ASAP2: variants seen among roughly 807,000 people sequenced by gnomAD.
The protein encoded by ASAP2 is ArfGAP with SH3 domain, ankyrin repeat and PH domain 2.
In ASAP2, 45 loss-of-function variants were observed where a neutral mutation model predicts 131.4. That is an observed-to-expected ratio of 0.34 (90% CI 0.27 to 0.44). The LOEUF (loss-of-function observed/expected upper bound fraction) is 0.44, where lower values mean the gene tolerates loss of function less well. Ranked by LOEUF, ASAP2 falls within the 20% of genes least tolerant of loss-of-function variation. The probability of loss-of-function intolerance (pLI) is 1.00; values close to 1 mark genes in which losing one functional copy is unlikely to be tolerated. For missense variants in ASAP2, 1,011 were observed against 1,297.0 expected (o/e 0.78, Z 3.39); for synonymous variants, 510 against 503.0 (o/e 1.01, Z -0.19).
At chr2:9,287,462 A>G (rs12472609) in intron 2 of ASAP2, among the ~76,000 whole-genome samples, 20,522 of 152,196 alleles carry the variant, frequency 0.13, 1,795 homozygotes, top group African/African-American at 0.25. Context: ...TGTAGGACGG[A>G]TATCTGAAGG....
chr2:9,332,033 G>T (rs1670876142), intron 7 of ASAP2, among the ~76,000 whole-genome samples: 3 of 152,072 alleles, frequency 2.0e-5, no homozygotes, highest in Admixed American at 2.0e-4. Flanking sequence ...GGTGTGTGGG[G>T]CCCAGAGAAG....
intron 1 of ASAP2, among the ~76,000 whole-genome samples, chr2:9,210,766 GGATGGTC>G (rs1459694202): frequency 6.6e-6 from 1 of 152,006 alleles, no homozygotes; most frequent in East Asian, 1.9e-4. Flanking sequence ...GTGTTAGCCA[GGATGGTC>G]GATGGTCTAG....
intron 1 of ASAP2, among the ~76,000 whole-genome samples, chr2:9,258,566 C>T (rs1011140403): frequency 7.2e-5 from 11 of 152,066 alleles, no homozygotes; most frequent in Non-Finnish European, 7.4e-5. Context: ...GTGCCCCCGC[C>T]GCCACACTCA....
intron 1 of ASAP2, among the ~76,000 whole-genome samples, chr2:9,259,393 G>A (rs912776656): frequency 1.3e-4 from 20 of 152,116 alleles, no homozygotes; most frequent in African/African-American, 3.9e-4. Flanking sequence ...CCTTCCTTGC[G>A]TCTGCCCCCG....
At chr2:9,399,397 T>C (rs1676436323) in intron 24 of ASAP2, 1 of 152,906 alleles carries the variant, frequency 6.5e-6, no homozygotes, top group Non-Finnish European at 1.5e-5. Context: ...ATGAAAATGC[T>C]GACTCTCCAG....
intron 5 of ASAP2, among the ~76,000 whole-genome samples, chr2:9,320,829 T>C (rs1670104808): frequency 6.6e-6 from 1 of 152,348 alleles, no homozygotes; most frequent in East Asian, 1.9e-4. Flanking sequence ...AAAAATAACC[T>C]GAAGAATGGA....
At chr2:9,309,387 G>A (rs1457182280) in intron 3 of ASAP2, among the ~76,000 whole-genome samples, 2 of 152,216 alleles carry the variant, frequency 1.3e-5, no homozygotes, top group African/African-American at 4.8e-5. Flanking sequence ...ATGAAAAGGC[G>A]TACATGCGGG....
In ASAP2 at chr2:9,259,564, C is replaced by G. The variant is rs554944232; in HGVS notation, c.127-19753C>G. Among the ~76,000 whole-genome samples, 278 of 77,352 alleles carry G rather than the reference C, an allele frequency of 3.6e-3. 1 individual carries two copies. The highest frequency in any genetic ancestry group is 0.017 in the African/African-American group (258 of 15,150). 50.7% of individuals were successfully genotyped at this position (77,352 alleles called of 152,430 possible). ...GAGGGCACAGTTTTCAGCCCAAAAC[C>G]TTAAGGAACAAAAATGAACAGCACC... is the stretch of plus-strand genomic sequence containing the variant. On this transcript the variant is annotated intron_variant, in intron 1 of 27. Coordinates refer to ENST00000281419, the MANE Select transcript of ASAP2 (RefSeq NM_003887.3).
At chr2:9,391,852 T>C (rs1675755995) in intron 23 of ASAP2, among the ~76,000 whole-genome samples, 1 of 151,966 alleles carries the variant, frequency 6.6e-6, no homozygotes, top group African/African-American at 2.4e-5. Context: ...CCCAGAGTTC[T>C]GGGATTACAG....
chr2:9,272,760 C>T (rs1278472320), intron 1 of ASAP2, among the ~76,000 whole-genome samples: 1 of 152,124 alleles, frequency 6.6e-6, no homozygotes, highest in Non-Finnish European at 1.5e-5. Context: ...TAGTTTTATT[C>T]TTCTGAGCAT....
intron 1 of ASAP2, among the ~76,000 whole-genome samples, chr2:9,266,181 C>T (rs568615844): frequency 9.9e-4 from 143 of 144,926 alleles, no homozygotes; most frequent in African/African-American, 3.6e-3. Context: ...GGATCTCACT[C>T]TGTTGCCCAG....
chr2:9,401,426 T>TG lies in ASAP2; in HGVS notation c.2946+35dup, dbSNP rs1676659532. 4 of 1,609,112 alleles carry TG rather than the reference T, an allele frequency of 2.5e-6. No homozygotes were observed. The East Asian group carries it at 8.9e-5, about 36-fold the overall frequency. On this transcript the variant is annotated intron_variant, in intron 27 of 27. Transcript: ENST00000281419. ...GTCAAGGGTGGGCCTGGGAGGTTCC[T>TG]GGGGGCTGAGCCACGTCCCTGCCCA...
Position 9,403,184 on chromosome 2 carries a change from G to GTAA in ASAP2, c.2947-67_2947-65dup, listed in dbSNP as rs1352917841. On this transcript the variant is annotated intron_variant, in intron 27 of 27. Transcript: ENST00000281419. ...TGCTTTTCTTCACCAAACGCTCTAT[G>GTAA]TAATGCTCTTCAAAGTTTCCACCAA... 4.0e-5 allele frequency: 56 copies of GTAA among 1,390,184 alleles called. No individual in the cohort carries two copies. The East Asian group carries it at 1.3e-3, about 32-fold the overall frequency. The allele number at this position is 1,390,184 out of a possible 1,614,324, so 86.1% of individuals were successfully genotyped here.
At chr2:9,385,157 G>T in intron 20 of ASAP2, 88 bp from the exon 21 acceptor site, 1 of 976,366 alleles carries the variant, frequency 1.0e-6, no homozygotes, top group Non-Finnish European at 1.6e-6. Flanking sequence ...GGACTAGAAG[G>T]CAGGCCTCCT....
chr2:9,242,455 G>A (rs1279732228), intron 1 of ASAP2, among the ~76,000 whole-genome samples: 1 of 152,226 alleles, frequency 6.6e-6, no homozygotes, highest in African/African-American at 2.4e-5. Context: ...GCTACAAACT[G>A]TGATAGACCC....
intron 24 of ASAP2, chr2:9,399,624 C>T (rs977367214): frequency 2.5e-5 from 6 of 239,188 alleles, no homozygotes; most frequent in East Asian, 2.1e-4. Flanking sequence ...CCAGAGTGCT[C>T]GGACCCGTCC....
chr2:9,344,465 T>C, intron 9 of ASAP2, 67 bp from the exon 10 acceptor site: 1 of 1,358,380 alleles, frequency 7.4e-7, no homozygotes, highest in Non-Finnish European at 1.0e-6. Context: ...AAGTTTCCTT[T>C]GTGTACTGCT....
chr2:9,379,050 A>G lies in ASAP2; in HGVS notation c.1939A>G (p.Ile647Val). The G allele has an allele frequency of 6.4e-7, 1 of 1,564,264 alleles. No homozygotes were observed. Among genetic ancestry groups the G allele is most frequent in the Non-Finnish European group, 8.7e-7 (1 of 1,154,122 alleles). Residue 647 changes from isoleucine (I) to valine (V), a missense_variant, in exon 19 of 28, where the codon ATC becomes GTC. Ile to Val is a conservative substitution (Grantham distance 29). Around this residue, in one of 2 missense-constraint regions of ASAP2, gnomAD observed 652 missense variants for 698.9 expected, o/e 0.93. Transcript: ENST00000281419. ...GTTGCTCCTGCGGGGGAAGGCCTCC[A>G]TCGAGATAGGTGAGTGGGCCCGGGC... ...LKLLLRGKAS[I>V]EIANESGETP...
In ASAP2 at chr2:9,389,467, G is replaced by T. The variant is rs1675551455; in HGVS notation, c.2383+921G>T. On this transcript the variant is annotated intron_variant, in intron 22 of 27. Transcript: ENST00000281419. This position sits in a 1 kb window ranked among gnomAD's most constrained non-coding sequence, Gnocchi z 4.7. ...TATGTGGTAGCTGCTAGCTGGGCAG[G>T]CTGGGTCGGTGCGTGAGGGTGGCTG... 1.3e-5 allele frequency among the ~76,000 whole-genome samples: 2 copies of T among 152,236 alleles called. No homozygotes were observed. The highest frequency in any genetic ancestry group is 2.9e-5 in the Non-Finnish European group (2 of 68,028).
Sources: gnomAD v4.1 joint callset for allele counts (sites outside exome capture counted in the v4.1 genomes callset) on GRCh38, gnomAD v4.1.1 for gene constraint, gnomAD v4.1.1 regional missense constraint, Gnocchi (gnomAD v3.1) non-coding constraint, MANE v1.5 for transcripts, NCBI Gene and HGNC (gene_info 2026-07-23, HGNC 2026-07-21) for gene names.